Variants in LOXL1 observed in about 807,000 individuals in gnomAD.
LOXL1 encodes lysyl oxidase like 1.
LOXL1 carries 31 observed loss-of-function variants against 62.2 expected under a neutral mutation model. The observed-to-expected ratio is 0.50, with a 90% CI of 0.37 to 0.67. LOXL1 has a LOEUF of 0.67. Among genes scored for constraint, LOXL1 ranks in the 30% least tolerant of loss-of-function variants. The pLI is 0.00. For synonymous variants in LOXL1, 403 were observed against 384.4 expected (o/e 1.05, Z -0.56); for missense variants, 775 against 843.4 (o/e 0.92, Z 1.00).
intron 2 of LOXL1, 132 bp downstream of exon 2, chr15:73,943,094 G>A: frequency 1.4e-6 from 1 of 690,730 alleles, no homozygotes; most frequent in Non-Finnish European, 2.6e-6. Context: ...AGCCTCCCAG[G>A]ACCCTGACCG....
chr15:73,939,041 CCTG>C (rs1178657852), intron 1 of LOXL1, among the ~76,000 whole-genome samples: 2 of 152,246 alleles, frequency 1.3e-5, no homozygotes, highest in South Asian at 4.1e-4. Context: ...GCTTGGAGGG[CCTG>C]TTGTACCCTA....
At position 73,951,987 on chromosome 15, in the gene LOXL1, C is replaced by A. The variant is rs973390104; in HGVS notation, c.*150C>A. The stretch of plus-strand genomic sequence containing the variant: ...CTCAGGGAGCGAACGTGGATGAAAA[C>A]CACAGGGATTCCGGACGCCAGACCC... On this transcript the variant is annotated 3_prime_UTR_variant, in exon 7 of 7. Coordinates refer to ENST00000261921, the MANE Select transcript of LOXL1 (RefSeq NM_005576.4). 1.5e-5 allele frequency: 8 copies of A among 524,450 alleles called. No homozygotes were observed. In the South Asian group the frequency reaches 3.5e-4, roughly 23 times the overall value. 32.5% of individuals were successfully genotyped at this position (524,450 alleles called of 1,614,324 possible).
Position 73,927,362 on chromosome 15 carries a change from C to A in LOXL1, c.579C>A (p.Pro193=). ...PFVSQYENYD[P]ASRTYDQGFV... ...TCAGCCAGTACGAGAACTACGACCC[C>A]GCGTCGCGGACCTACGACCAGGGTT... The change falls in exon 1 of 7, where the codon CCC becomes CCA. Residue 193 remains proline, a synonymous_variant. Coordinates refer to ENST00000261921, the MANE Select transcript of LOXL1 (RefSeq NM_005576.4). 6.3e-7 allele frequency: 1 copy of A among 1,588,926 alleles called. No homozygotes were observed. The highest frequency in any genetic ancestry group is 1.1e-5 in the South Asian group (1 of 88,524).
chr15:73,934,532 C>T lies in LOXL1; in HGVS notation c.1102+6647C>T, dbSNP rs374174364. Among the ~76,000 whole-genome samples the T allele has an allele frequency of 1.3e-4, 20 of 152,326 alleles. 3 individuals carry two copies. The highest frequency in any genetic ancestry group is 3.9e-4 in the Admixed American group (6 of 15,302). On this transcript the variant is annotated intron_variant, in intron 1 of 6. Coordinates refer to ENST00000261921, the MANE Select transcript of LOXL1 (RefSeq NM_005576.4). ...CAGGCAAAAGATAATACCACTCACC[C>T]CTGCCCTCATGGGCTCTTGCCTGGC...
chr15:73,951,945 C>A lies in LOXL1; in HGVS notation c.*108C>A. The A allele has an allele frequency of 1.0e-6, 1 of 982,652 alleles. No homozygotes were observed. The highest frequency in any genetic ancestry group is 1.4e-6 in the Non-Finnish European group (1 of 730,978). 60.9% of individuals were successfully genotyped at this position (982,652 alleles called of 1,614,324 possible). On this transcript the variant is annotated 3_prime_UTR_variant, in exon 7 of 7. Coordinates refer to ENST00000261921, the MANE Select transcript of LOXL1 (RefSeq NM_005576.4). ...CCCCCAACCCACAGGCACGGAGGGG[C>A]ATCCCTCCCTGCCGGCCTCAGGGAG...
chr15:73,927,262 C>G lies in LOXL1; in HGVS notation c.479C>G (p.Ala160Gly), dbSNP rs775702715. ...RHGGSASSVS[A>G]SAFASTYRQQ... ...GGGGGCTCCGCCTCCTCGGTCTCGG[C>G]TTCGGCCTTCGCCAGCACCTACCGC... is the stretch of plus-strand genomic sequence containing the variant. The change falls in exon 1 of 7, where the codon GCT (alanine) becomes GGT (glycine). Residue 160 changes from alanine to glycine, a missense_variant. Physicochemically the swap from Ala to Gly is moderately conservative, Grantham distance 60 (BLOSUM62 0). Transcript: ENST00000261921. 6.2e-7 allele frequency: 1 copy of G among 1,601,972 alleles called. No homozygotes were observed. The highest frequency in any genetic ancestry group is 8.5e-7 in the Non-Finnish European group (1 of 1,177,706).
rs867485961 is a variant in LOXL1 at position 73,946,454 on chromosome 15, C to T, written c.1249C>T (p.Arg417Trp). 2 of 1,611,280 alleles carry T rather than the reference C, an allele frequency of 1.2e-6. No individual in the cohort carries two copies. Among genetic ancestry groups the T allele is most frequent in the Non-Finnish European group, 1.7e-6 (2 of 1,178,776 alleles). The change falls in exon 3 of 7, where the codon CGG (arginine) becomes TGG (tryptophan). Residue 417 changes from arginine (R) to tryptophan (W), a missense_variant. Arg to Trp is a moderately radical substitution (Grantham distance 101). Coordinates refer to ENST00000261921, the MANE Select transcript of LOXL1 (RefSeq NM_005576.4). ...YAPEATDYDV[R>W]VLLRFPQRVK... The stretch of plus-strand genomic sequence containing the variant: ...CCCTGAGGCCACCGACTACGATGTG[C>T]GGGTGCTACTGCGCTTCCCCCAGCG...
Position 73,926,937 on chromosome 15 carries a change from T to A in LOXL1, c.154T>A (p.Tyr52Asn). Residue 52 changes from tyrosine to asparagine, a missense_variant, in exon 1 of 7, where the codon TAC becomes AAC. Coordinates refer to ENST00000261921, the MANE Select transcript of LOXL1 (RefSeq NM_005576.4). ...LIQWENNGQV[Y>N]SLLNSGSEYV... ...CCAGTGGGAGAACAACGGGCAGGTG[T>A]ACAGCTTGCTCAACTCGGGCTCAGA... 6.4e-7 allele frequency: 1 copy of A among 1,564,036 alleles called. No homozygotes were observed. The highest frequency in any genetic ancestry group is 8.6e-7 in the Non-Finnish European group (1 of 1,156,078).
At chr15:73,938,122 A>C (rs1412960426) in intron 1 of LOXL1, among the ~76,000 whole-genome samples, 1 of 151,906 alleles carries the variant, frequency 6.6e-6, no homozygotes, top group Non-Finnish European at 1.5e-5. Context: ...CCCCATCTCT[A>C]CTAAAAATAC....
chr15:73,935,212 G>A (rs1373970952), intron 1 of LOXL1, among the ~76,000 whole-genome samples: 2 of 152,220 alleles, frequency 1.3e-5, no homozygotes, highest in East Asian at 3.9e-4. Flanking sequence ...AGTGGACAGT[G>A]GAGAGTCAGC....
Position 73,930,318 on chromosome 15 carries a change from G to A in LOXL1, c.1102+2433G>A, listed in dbSNP as rs1040565707. 6.6e-6 allele frequency among the ~76,000 whole-genome samples: 1 copy of A among 152,222 alleles called. No individual in the cohort carries two copies. Among genetic ancestry groups the A allele is most frequent in the African/African-American group, 2.4e-5 (1 of 41,458 alleles). On this transcript the variant is annotated intron_variant, in intron 1 of 6. Transcript: ENST00000261921. The surrounding 1 kb of genome is among the most constrained non-coding windows in gnomAD (Gnocchi z 4.7). ...AAGGGATGGTCATCAGCACCATCCA[G>A]GTGCCCCTTCCCCTAATCATTGAGG...
chr15:73,927,024 C>A lies in LOXL1; in HGVS notation c.241C>A (p.Pro81Thr). Reference sequence around the variant, plus strand: ...CTCCCGGGTGCTGCTGGCCGGCGCGCCCCAGGCCCAGCAGCGGCGCAGCCA... The same window carrying A: ...CTCCCGGGTGCTGCTGGCCGGCGCGACCCAGGCCCAGCAGCGGCGCAGCCA... ...SSSRVLLAGA[P>T]QAQQRRSHGS... The change falls in exon 1 of 7, where the codon CCC (proline) becomes ACC (threonine). Residue 81 changes from proline (P) to threonine (T), a missense_variant. By Grantham distance (38) the Pro-to-Thr change is conservative. Transcript: ENST00000261921. The A allele has an allele frequency of 2.8e-6, 4 of 1,409,698 alleles. No homozygotes were observed. The highest frequency in any genetic ancestry group is 3.7e-6 in the Non-Finnish European group (4 of 1,070,508). The allele number at this position is 1,409,698 out of a possible 1,614,324, so 87.3% of individuals were successfully genotyped here.
At chr15:73,937,135 C>T (rs576612182) in intron 1 of LOXL1, among the ~76,000 whole-genome samples, 49 of 152,298 alleles carry the variant, frequency 3.2e-4, no homozygotes, top group Admixed American at 1.6e-3. Context: ...CTTTGTCCTC[C>T]GGTTCCCGAG....
chr15:73,946,948 G>T, intron 3 of LOXL1, 119 bp from the exon 4 acceptor site: 4 of 1,140,272 alleles, frequency 3.5e-6, no homozygotes, highest in Non-Finnish European at 4.9e-6. Context: ...GGAGAACCTA[G>T]ACCAGCCAGG....
rs991314620 is a variant in LOXL1 at position 73,930,554 on chromosome 15, G to A, written c.1102+2669G>A. ...CAGGCCTGGTGTGGGAGCCCAAGGCGGATTCTCCGAGACTGACTTCATTCC... is the reference window on the plus strand; with the variant it reads ...CAGGCCTGGTGTGGGAGCCCAAGGCAGATTCTCCGAGACTGACTTCATTCC... On this transcript the variant is annotated intron_variant, in intron 1 of 6. Coordinates refer to ENST00000261921, the MANE Select transcript of LOXL1 (RefSeq NM_005576.4). This position sits in a 1 kb window ranked among gnomAD's most constrained non-coding sequence, Gnocchi z 4.7. Among the ~76,000 whole-genome samples, 2 of 152,152 alleles carry A rather than the reference G, an allele frequency of 1.3e-5. No homozygotes were observed. Among genetic ancestry groups the A allele is most frequent in the African/African-American group, 4.8e-5 (2 of 41,424 alleles).
At chr15:73,949,649 C>A in intron 6 of LOXL1, 75 bp downstream of exon 6, 1 of 944,864 alleles carries the variant, frequency 1.1e-6, no homozygotes, top group Non-Finnish European at 1.7e-6. Flanking sequence ...ACCTGAGATA[C>A]CTAAGATACC....
rs1227882333 is a variant in LOXL1, at chr15:73,926,642, C to T, written c.-142C>T. On this transcript the variant is annotated 5_prime_UTR_variant, in exon 1 of 7. Coordinates refer to ENST00000261921, the MANE Select transcript of LOXL1 (RefSeq NM_005576.4). ...CTGTCATCGGAGGAGCCGTCCCGCT[C>T]GGGACAAGGCCAGCATGGACAAAGC... 1.0e-6 allele frequency: 1 copy of T among 1,002,380 alleles called. No individual in the cohort carries two copies. 62.1% of individuals were successfully genotyped at this position (1,002,380 alleles called of 1,614,324 possible).
chr15:73,935,387 G>A (rs1173332815), intron 1 of LOXL1, among the ~76,000 whole-genome samples: 1 of 152,226 alleles, frequency 6.6e-6, no homozygotes, highest in Non-Finnish European at 1.5e-5. Flanking sequence ...AGTGGTTTAT[G>A]GCTGGTGTGG....
intron 1 of LOXL1, chr15:73,928,329 C>T (rs775794562): frequency 5.7e-4 from 90 of 157,368 alleles, no homozygotes; most frequent in Non-Finnish European, 5.2e-4. Context: ...AAACCTGAGT[C>T]TTCAGGGCCA....
Sources: allele counts gnomAD v4.1 joint callset (sites outside exome capture counted in the v4.1 genomes callset), GRCh38; gene constraint gnomAD v4.1.1; non-coding constraint Gnocchi (gnomAD v3.1); transcripts MANE v1.5; gene names NCBI Gene and HGNC (gene_info 2026-07-23, HGNC 2026-07-21).